SYT13: variants seen among roughly 807,000 people sequenced by gnomAD.
The protein encoded by SYT13 is synaptotagmin 13, also known as synaptotagmin-13.
Under a neutral mutation model 38.6 loss-of-function variants are expected in SYT13, and 21 were observed. That is an observed-to-expected ratio of 0.54 (90% CI 0.39 to 0.78). SYT13 has a LOEUF of 0.78. SYT13 is among the 30% of genes least tolerant of loss of function. The pLI, the probability that SYT13 is intolerant of heterozygous loss-of-function variation, is 0.00. For synonymous variants in SYT13, 241 were observed against 237.6 expected (o/e 1.01, Z -0.13); for missense variants, 495 against 548.7 (o/e 0.90, Z 0.98).
At chr11:45,248,071 C>T (rs566622404) in intron 4 of SYT13, among the ~76,000 whole-genome samples, 1 of 152,316 alleles carries the variant, frequency 6.6e-6, no homozygotes, top group Non-Finnish European at 1.5e-5. Context: ...CATTTACTAC[C>T]TCTATGACCT....
intron 1 of SYT13, among the ~76,000 whole-genome samples, chr11:45,259,783 T>C (rs1854793870): frequency 6.6e-6 from 1 of 152,120 alleles, no homozygotes; most frequent in Admixed American, 6.5e-5. Context: ...TCCACAGTAG[T>C]AGAAGTCCCC....
intron 1 of SYT13, among the ~76,000 whole-genome samples, chr11:45,272,098 G>T (rs1184434332): frequency 6.6e-6 from 1 of 152,106 alleles, no homozygotes; most frequent in Non-Finnish European, 1.5e-5. Context: ...CACAAGAACA[G>T]AAAACCAAGC....
chr11:45,286,013 GC>G lies in SYT13; in HGVS notation c.183+11del. On this transcript the variant is annotated intron_variant, in intron 1 of 5. Coordinates refer to ENST00000020926, the MANE Select transcript of SYT13 (RefSeq NM_020826.3). ...CTTGCCCGGGAAGGGCCTGCGCGCC[GC>G]CCCCGCTCACCTGTTGTGCAGACCC... 1.2e-6 allele frequency: 2 copies of G among 1,601,990 alleles called. No individual in the cohort carries two copies.
chr11:45,284,073 G>A (rs1855106543), intron 1 of SYT13, among the ~76,000 whole-genome samples: 2 of 152,198 alleles, frequency 1.3e-5, no homozygotes, highest in African/African-American at 4.8e-5. Context: ...CCATTTGTAT[G>A]AAAGGCCAGA....
At chr11:45,282,041 G>A (rs1314604675) in intron 1 of SYT13, among the ~76,000 whole-genome samples, 2 of 152,192 alleles carry the variant, frequency 1.3e-5, no homozygotes, top group Non-Finnish European at 2.9e-5. Context: ...GTGCAGACAA[G>A]GGTGATGAGG....
intron 4 of SYT13, among the ~76,000 whole-genome samples, chr11:45,248,062 A>G (rs1854634054): frequency 6.6e-6 from 1 of 152,190 alleles, no homozygotes; most frequent in Non-Finnish European, 1.5e-5. Context: ...CAATCCTACC[A>G]TTTACTACCT....
intron 2 of SYT13, among the ~76,000 whole-genome samples, chr11:45,255,248 C>T (rs1590513876): frequency 6.6e-6 from 1 of 152,200 alleles, no homozygotes; most frequent in East Asian, 1.9e-4. Flanking sequence ...TACAACTCCC[C>T]TACCAGACAG....
At chr11:45,271,015 C>T (rs1854942987) in intron 1 of SYT13, among the ~76,000 whole-genome samples, 1 of 152,176 alleles carries the variant, frequency 6.6e-6, no homozygotes, top group East Asian at 1.9e-4. Flanking sequence ...TAAGTCCCCA[C>T]CCTCAGAGAG....
intron 1 of SYT13, among the ~76,000 whole-genome samples, chr11:45,262,436 T>C (rs1854828164): frequency 6.6e-6 from 1 of 152,128 alleles, no homozygotes; most frequent in Non-Finnish European, 1.5e-5. Flanking sequence ...TTAATACCAC[T>C]GAACTGAGGC....
At chr11:45,269,490 T>G (rs751606415) in intron 1 of SYT13, 1 of 1,287,196 alleles carries the variant, frequency 7.8e-7, no homozygotes, top group African/African-American at 1.5e-5. Flanking sequence ...CTCTGTAAAC[T>G]TCATATGTAA....
intron 1 of SYT13, among the ~76,000 whole-genome samples, chr11:45,285,180 T>C (rs1183298326): frequency 6.6e-6 from 1 of 152,234 alleles, no homozygotes; most frequent in African/African-American, 2.4e-5. Context: ...TTCTGTACTT[T>C]GGAAATGCAT....
At chr11:45,262,842 AAG>A (rs1383281683) in intron 1 of SYT13, among the ~76,000 whole-genome samples, 2 of 152,090 alleles carry the variant, frequency 1.3e-5, no homozygotes, top group African/African-American at 2.4e-5. Context: ...AATAAAAAAA[AAG>A]AGAGAAAAAA....
At chr11:45,247,122 T>C (rs2135885468) in intron 4 of SYT13, among the ~76,000 whole-genome samples, 1 of 152,338 alleles carries the variant, frequency 6.6e-6, no homozygotes, top group Non-Finnish European at 1.5e-5. Flanking sequence ...GATGCCCCTG[T>C]GAGGCATCCA....
chr11:45,276,236 G>A (rs1293807127), intron 1 of SYT13, among the ~76,000 whole-genome samples: 2 of 152,152 alleles, frequency 1.3e-5, no homozygotes, highest in Admixed American at 1.3e-4. Context: ...TATACACCAT[G>A]GAATACTATG....
At chr11:45,268,117 G>A (rs1854906867) in intron 1 of SYT13, among the ~76,000 whole-genome samples, 1 of 152,144 alleles carries the variant, frequency 6.6e-6, no homozygotes, top group Non-Finnish European at 1.5e-5. Flanking sequence ...AAGCCCTGCT[G>A]GCAGCTGCCC....
intron 1 of SYT13, 104 bp from the exon 2 acceptor site, chr11:45,255,995 G>T: frequency 8.4e-7 from 1 of 1,188,932 alleles, no homozygotes. Context: ...GGATGCAGAG[G>T]GAGAGTTGTG....
chr11:45,260,174 C>T (rs925592712), intron 1 of SYT13, among the ~76,000 whole-genome samples: 4 of 152,166 alleles, frequency 2.6e-5, no homozygotes, highest in African/African-American at 9.7e-5. Context: ...ATTCTTATCC[C>T]ACTTTATCCT....
chr11:45,260,185 G>A (rs935686821), intron 1 of SYT13, among the ~76,000 whole-genome samples: 1 of 152,158 alleles, frequency 6.6e-6, no homozygotes, highest in Admixed American at 6.5e-5. Context: ...ACTTTATCCT[G>A]TGTGGCAAAT....
chr11:45,282,733 A>T (rs1241758998), intron 1 of SYT13, among the ~76,000 whole-genome samples: 1 of 152,222 alleles, frequency 6.6e-6, no homozygotes, highest in Non-Finnish European at 1.5e-5. Context: ...CTAATTACAG[A>T]AAATACTGCT....
Sources: gnomAD v4.1 joint callset for allele counts (sites outside exome capture counted in the v4.1 genomes callset) on GRCh38, gnomAD v4.1.1 for gene constraint, MANE v1.5 for transcripts, NCBI Gene and HGNC (gene_info 2026-07-23, HGNC 2026-07-21) for gene names.